Variants in KCNA6 observed in about 807,000 individuals in gnomAD.
KCNA6 encodes the protein potassium voltage-gated channel subfamily A member 6.
A neutral mutation model predicts 29.5 loss-of-function variants in KCNA6; 17 were observed. The ratio of observed to expected loss-of-function variants is 0.58; its 90% CI spans 0.39 to 0.86. KCNA6 has a LOEUF of 0.86. Among genes scored for constraint, KCNA6 ranks in the 40% least tolerant of loss-of-function variants. KCNA6 has a pLI of 0.00. For missense variants in KCNA6, 450 were observed against 703.4 expected, an observed-to-expected ratio of 0.64 and a Z score of 4.07; for synonymous variants, 296 against 304.7, an observed-to-expected ratio of 0.97 and a Z score of 0.30.
chr12:4,835,934 G>GTTTTT, the KCNA6 span, among the ~76,000 whole-genome samples: 5 of 137,198 alleles, frequency 3.6e-5, no homozygotes, highest in African/African-American at 1.1e-4. Context: ...AAAAGTCGCT[G>GTTTTT]TTTTTTTTTT....
chr12:4,846,474 G>A, the KCNA6 span, among the ~76,000 whole-genome samples: 2 of 151,144 alleles, frequency 1.3e-5, no homozygotes, highest in Non-Finnish European at 2.9e-5. Context: ...ATTCCTCCTC[G>A]AGCGACATAA....
At position 4,811,876 on chromosome 12, in the gene KCNA6, C is replaced by T. The variant is rs907457999; in HGVS notation, c.*245C>T. On this transcript the variant is annotated 3_prime_UTR_variant, in exon 1 of 1. Transcript: ENST00000280684. This position sits in a 1 kb window ranked among gnomAD's most constrained non-coding sequence, Gnocchi z 7.1. ...AGCGGTGCCACCCAATCATGCCCAG[C>T]TTCTGTCATATGAATGAGATATACA... 7.5e-6 allele frequency: 4 copies of T among 531,664 alleles called. No individual in the cohort carries two copies. Among genetic ancestry groups the T allele is most frequent in the East Asian group, 3.1e-5 (1 of 31,778 alleles). 32.9% of individuals were successfully genotyped at this position (531,664 alleles called of 1,614,324 possible).
chr12:4,810,418 TG>T lies in KCNA6; in HGVS notation c.382del (p.Asp128ThrfsTer61). ...CTGGAGGAGATCCGCTTCTACCAGC[TG>T]GGGGACGAGGCCCTGGCGGCCTTCC... On this transcript the variant is annotated frameshift_variant, in exon 1 of 1. Coordinates refer to ENST00000280684, the Ensembl canonical transcript of KCNA6. LOFTEE classifies it high-confidence loss of function. This position sits in a 1 kb window ranked among gnomAD's most constrained non-coding sequence, Gnocchi z 7.5. 6.2e-7 allele frequency: 1 copy of T among 1,614,028 alleles called. No individual in the cohort carries two copies. The highest frequency in any genetic ancestry group is 8.5e-7 in the Non-Finnish European group (1 of 1,179,970).
chr12:4,843,130 G>T, the KCNA6 span, among the ~76,000 whole-genome samples: 1 of 151,700 alleles, frequency 6.6e-6, no homozygotes, highest in Admixed American at 6.6e-5. Flanking sequence ...TCATTGGAAT[G>T]AAATATGATT....
In KCNA6 at chr12:4,810,287, C is replaced by T. The variant is rs774786164; in HGVS notation, c.246C>T (p.Asn82=). The change falls in exon 1 of 1, where the codon AAC becomes AAT. Residue 82 remains asparagine, a synonymous_variant. Transcript: ENST00000280684. This position sits in a 1 kb window ranked among gnomAD's most constrained non-coding sequence, Gnocchi z 7.5. ...TCCGCTTCTTCGACCCCCTGAGGAACGAGTACTTCTTCGACCGCAACCGGC... is the reference window on the plus strand; with the variant it reads ...TCCGCTTCTTCGACCCCCTGAGGAATGAGTACTTCTTCGACCGCAACCGGC... 1 of 1,614,078 alleles carries T rather than the reference C, an allele frequency of 6.2e-7. No homozygotes were observed. Among genetic ancestry groups the T allele is most frequent in the East Asian group, 2.2e-5 (1 of 44,880 alleles).
Position 4,810,360 on chromosome 12 carries a change from C to A in KCNA6, c.319C>A (p.Arg107=). Reference sequence around the variant, plus strand: ...CTACTACCAGTCTGGGGGCCGCCTGCGGAGGCCGGTCAACGTGCCCCTGGA... The same window carrying A: ...CTACTACCAGTCTGGGGGCCGCCTGAGGAGGCCGGTCAACGTGCCCCTGGA... The change falls in exon 1 of 1, where the codon CGG becomes AGG. Residue 107 remains arginine, a synonymous_variant. Coordinates refer to ENST00000280684, the Ensembl canonical transcript of KCNA6. The surrounding 1 kb of genome is among the most constrained non-coding windows in gnomAD (Gnocchi z 7.5). The A allele has an allele frequency of 6.2e-7, 1 of 1,614,116 alleles. No individual in the cohort carries two copies. Among genetic ancestry groups the A allele is most frequent in the Non-Finnish European group, 8.5e-7 (1 of 1,180,016 alleles).
the KCNA6 span, among the ~76,000 whole-genome samples, chr12:4,830,052 T>C: frequency 6.6e-6 from 1 of 152,212 alleles, no homozygotes; most frequent in African/African-American, 2.4e-5. Flanking sequence ...CCTCTCCTAG[T>C]GCTGATGCTC....
chr12:4,815,905 C>G (rs918162299), downstream of KCNA6, among the ~76,000 whole-genome samples: 2 of 152,156 alleles, frequency 1.3e-5, no homozygotes, highest in Non-Finnish European at 2.9e-5. Flanking sequence ...GAGGGGCCCC[C>G]ATGGGGTTGA....
chr12:4,810,928 TG>T lies in KCNA6; in HGVS notation c.888del (p.Met296IlefsTer78). 1 of 1,614,216 alleles carries T rather than the reference TG, an allele frequency of 6.2e-7. No homozygotes were observed. Among genetic ancestry groups the T allele is most frequent in the Non-Finnish European group, 8.5e-7 (1 of 1,180,046 alleles). On this transcript the variant is annotated frameshift_variant, in exon 1 of 1. Transcript: ENST00000280684. LOFTEE classifies it high-confidence loss of function. This position sits in a 1 kb window ranked among gnomAD's most constrained non-coding sequence, Gnocchi z 7.5. Reference sequence around the variant, plus strand: ...AAGCCGGCCTTCTTCCGGAACATCATGAACATCATTGACTTGGTGGCTATCT... The same window carrying T: ...AAGCCGGCCTTCTTCCGGAACATCATAACATCATTGACTTGGTGGCTATCT...
chr12:4,845,978 T>A, the KCNA6 span, among the ~76,000 whole-genome samples: 1 of 104,430 alleles, frequency 9.6e-6, no homozygotes, highest in African/African-American at 3.9e-5. Context: ...TGTTTCGAAT[T>A]TTAGAGTTTT....
At chr12:4,836,745 C>T in the KCNA6 span, among the ~76,000 whole-genome samples, 4 of 152,142 alleles carry the variant, frequency 2.6e-5, no homozygotes, top group Non-Finnish European at 5.9e-5. Context: ...ATGATGCCTC[C>T]GGCTGAAGCA....
the KCNA6 span, among the ~76,000 whole-genome samples, chr12:4,823,878 C>T: frequency 6.6e-6 from 1 of 152,348 alleles, no homozygotes; most frequent in East Asian, 1.9e-4. Context: ...AGGTGGGCAG[C>T]ACTGCCTTTC....
chr12:4,818,667 A>G, the KCNA6 span, among the ~76,000 whole-genome samples: 1 of 152,122 alleles, frequency 6.6e-6, no homozygotes, highest in Non-Finnish European at 1.5e-5. Flanking sequence ...CATCCTCTTC[A>G]GGGGAGATGG....
chr12:4,809,987 A>C, exon 1 of KCNA6: 7 of 1,491,504 alleles, frequency 4.7e-6, no homozygotes, highest in Non-Finnish European at 4.4e-6. Flanking sequence ...GCCGCGCTCC[A>C]GAGATTGTGT....
At chr12:4,847,884 A>G in the KCNA6 span, among the ~76,000 whole-genome samples, 1 of 152,208 alleles carries the variant, frequency 6.6e-6, no homozygotes, top group Non-Finnish European at 1.5e-5. Context: ...GGGGGCCTCC[A>G]GTGTCTACAG....
At chr12:4,849,370 G>A in the KCNA6 span, among the ~76,000 whole-genome samples, 7 of 152,040 alleles carry the variant, frequency 4.6e-5, no homozygotes, top group African/African-American at 1.7e-4. Context: ...ATGTGTGTGG[G>A]AAGAGCAATG....
the KCNA6 span, among the ~76,000 whole-genome samples, chr12:4,833,931 A>AAT: frequency 2.1e-5 from 3 of 141,942 alleles, no homozygotes; most frequent in East Asian, 4.1e-4. Flanking sequence ...TTTAAATTAA[A>AAT]TTTTTTTTTT....
chr12:4,824,586 G>A, the KCNA6 span, among the ~76,000 whole-genome samples: 1 of 152,160 alleles, frequency 6.6e-6, no homozygotes, highest in Non-Finnish European at 1.5e-5. Flanking sequence ...GAGAATCCCC[G>A]AGATCAGCGA....
chr12:4,820,810 T>C, the KCNA6 span, among the ~76,000 whole-genome samples: 1 of 152,172 alleles, frequency 6.6e-6, no homozygotes, highest in Non-Finnish European at 1.5e-5. Context: ...ACCAAAGGTA[T>C]TTAGCACTGG....
Sources: allele counts gnomAD v4.1 joint callset (sites outside exome capture counted in the v4.1 genomes callset), GRCh38; gene constraint gnomAD v4.1.1; non-coding constraint Gnocchi (gnomAD v3.1); transcripts MANE v1.5; gene names NCBI Gene and HGNC (gene_info 2026-07-23, HGNC 2026-07-21).